Variants in TP73 observed in about 807,000 individuals in gnomAD.
TP73 encodes p53-like transcription factor.
A neutral mutation model predicts 62.5 loss-of-function variants in TP73; 25 were observed. That is an observed-to-expected ratio of 0.40 (90% CI 0.29 to 0.56). The LOEUF (loss-of-function observed/expected upper bound fraction) is 0.56. Ranked by LOEUF, TP73 falls within the 20% of genes least tolerant of loss-of-function variation. The pLI, the probability that TP73 is intolerant of heterozygous loss-of-function variation, is 0.46. For synonymous variants in TP73, 423 were observed against 377.5 expected (o/e 1.12, Z -1.40); for missense variants, 754 against 913.3 (o/e 0.83, Z 2.25).
Position 3,707,593 on chromosome 1 carries a change from C to A in TP73, c.231C>A (p.Ser77Arg), listed in dbSNP as rs1353759920. The A allele has an allele frequency of 9.3e-6, 15 of 1,612,316 alleles. No individual in the cohort carries two copies. Among genetic ancestry groups the A allele is most frequent in the Non-Finnish European group, 1.2e-5 (14 of 1,179,708 alleles). Residue 77 changes from serine to arginine, a missense_variant, in exon 4 of 14, where the codon AGC (serine) becomes AGA (arginine). Physicochemically the swap from Ser to Arg is moderately radical, Grantham distance 110. Coordinates refer to ENST00000378295, the MANE Select transcript of TP73 (RefSeq NM_005427.4). ...LLSSTMDQMS[S>R]RAASASPYTP... is the part of the protein sequence containing the mutation. ...GCAGCACCATGGACCAGATGAGCAG[C>A]CGCGCGGCCTCGGCCAGCCCCTACA...
chr1:3,687,989 C>T (rs2124205548), intron 3 of TP73, among the ~76,000 whole-genome samples: 1 of 152,262 alleles, frequency 6.6e-6, no homozygotes, highest in East Asian at 1.9e-4. Flanking sequence ...GGTATTCTCC[C>T]CAGGCCCAGG....
chr1:3,704,305 C>T (rs943664487), intron 3 of TP73, among the ~76,000 whole-genome samples: 1 of 152,306 alleles, frequency 6.6e-6, no homozygotes, highest in Non-Finnish European at 1.5e-5. Flanking sequence ...AAATGGTGAG[C>T]GAGGTGTTTT....
At chr1:3,705,233 G>A (rs927712820) in intron 3 of TP73, among the ~76,000 whole-genome samples, 5 of 152,232 alleles carry the variant, frequency 3.3e-5, no homozygotes, top group African/African-American at 9.6e-5. Context: ...ACGTGGCAGC[G>A]TGTGGGAGCT....
At chr1:3,725,073 G>A (rs2124494463) in intron 6 of TP73, among the ~76,000 whole-genome samples, 1 of 152,278 alleles carries the variant, frequency 6.6e-6, no homozygotes, top group South Asian at 2.1e-4. Flanking sequence ...AAAATCCCTG[G>A]GAAACAGGAG....
intron 1 of TP73, among the ~76,000 whole-genome samples, chr1:3,671,690 T>A (rs1443587436): frequency 6.6e-6 from 1 of 152,234 alleles, no homozygotes; most frequent in Non-Finnish European, 1.5e-5. Flanking sequence ...ACCTGGGGAC[T>A]TCCCGCTGGG....
At position 3,663,445 on chromosome 1, in the gene TP73, G is replaced by A. The variant is rs1233953954; in HGVS notation, c.-34+10804G>A. Among the ~76,000 whole-genome samples the A allele has an allele frequency of 6.6e-6, 1 of 152,208 alleles. No individual in the cohort carries two copies. The highest frequency in any genetic ancestry group is 2.4e-5 in the African/African-American group (1 of 41,448). On this transcript the variant is annotated intron_variant, in intron 1 of 13. Coordinates refer to ENST00000378295, the MANE Select transcript of TP73 (RefSeq NM_005427.4). This position sits in a 1 kb window ranked among gnomAD's most constrained non-coding sequence, Gnocchi z 4.7. ...GAAAGGATACAGGCGGCTGGGCGTG[G>A]TGGCTCACGCCTGTAATCCCAGCAC... is the stretch of plus-strand genomic sequence containing the variant.
intron 3 of TP73, among the ~76,000 whole-genome samples, chr1:3,695,664 G>A (rs945391055): frequency 6.6e-6 from 1 of 152,258 alleles, no homozygotes; most frequent in African/African-American, 2.4e-5. Flanking sequence ...GGGCCCTGGG[G>A]CGGGGGGAAG....
chr1:3,669,032 C>T (rs1262883325), intron 1 of TP73, among the ~76,000 whole-genome samples: 1 of 152,254 alleles, frequency 6.6e-6, no homozygotes, highest in Non-Finnish European at 1.5e-5. Context: ...ACGCTGCCGC[C>T]TAGTTTCGCA....
intron 12 of TP73, 79 bp from the exon 13 acceptor site, chr1:3,731,384 G>A: frequency 7.0e-7 from 1 of 1,430,570 alleles, no homozygotes; most frequent in Non-Finnish European, 9.7e-7. Flanking sequence ...CCCCAGCCAG[G>A]CCACTCTCAG....
intron 4 of TP73, chr1:3,708,005 C>A: frequency 1.4e-6 from 1 of 728,726 alleles, no homozygotes; most frequent in Non-Finnish European, 2.2e-6. Flanking sequence ...GTGGCCAGAG[C>A]CAGTCAGCCT....
At chr1:3,707,870 A>G (rs1639805297) in intron 4 of TP73, 79 bp downstream of exon 4, 3 of 1,528,518 alleles carry the variant, frequency 2.0e-6, no homozygotes, top group South Asian at 2.4e-5. Context: ...CCCGCACCTC[A>G]AGAGGTCTGA....
intron 3 of TP73, among the ~76,000 whole-genome samples, chr1:3,688,655 G>C (rs934627631): frequency 2.6e-5 from 4 of 152,240 alleles, no homozygotes; most frequent in African/African-American, 7.2e-5. Context: ...CCTCTGCAAG[G>C]CTGGGCCTTG....
At chr1:3,707,116 C>A (rs1479638093) in intron 3 of TP73, among the ~76,000 whole-genome samples, 1 of 152,214 alleles carries the variant, frequency 6.6e-6, no homozygotes, top group Non-Finnish European at 1.5e-5. Flanking sequence ...TCAGGGCCCA[C>A]TTGTGCCCAG....
In TP73 at chr1:3,731,038, C is replaced by A. The variant is rs761165205; in HGVS notation, c.1457C>A (p.Pro486His). 6.2e-7 allele frequency: 1 copy of A among 1,612,178 alleles called. No individual in the cohort carries two copies. Among genetic ancestry groups the A allele is most frequent in the Non-Finnish European group, 8.5e-7 (1 of 1,179,714 alleles). ...GGGTCCCACTGCACTCCGCCACCCCCCTACCACGCCGACCCCAGCCTCGTC... is the reference window on the plus strand; with the variant it reads ...GGGTCCCACTGCACTCCGCCACCCCACTACCACGCCGACCCCAGCCTCGTC... ...VSGSHCTPPP[P>H]YHADPSLVSF... is the part of the protein sequence containing the mutation. The change falls in exon 12 of 14, where the codon CCC (proline) becomes CAC (histidine). Residue 486 changes from proline (P) to histidine (H), a missense_variant. By Grantham distance (77) the Pro-to-His change is moderately conservative (BLOSUM62 -2). Coordinates refer to ENST00000378295, the MANE Select transcript of TP73 (RefSeq NM_005427.4).
At chr1:3,706,249 G>A (rs1398341882) in intron 3 of TP73, among the ~76,000 whole-genome samples, 3 of 152,172 alleles carry the variant, frequency 2.0e-5, no homozygotes, top group African/African-American at 7.2e-5. Flanking sequence ...TAGATCACTG[G>A]GGTCAATCGT....
chr1:3,712,930 C>T (rs1307731106), intron 4 of TP73, among the ~76,000 whole-genome samples: 1 of 89,838 alleles, frequency 1.1e-5, no homozygotes, highest in Non-Finnish European at 3.1e-5. Context: ...CCACGAGCAG[C>T]CCCTGCCCCC....
chr1:3,733,327 G>C lies in TP73; in HGVS notation c.*248G>C. On this transcript the variant is annotated 3_prime_UTR_variant, in exon 14 of 14. Coordinates refer to ENST00000378295, the MANE Select transcript of TP73 (RefSeq NM_005427.4). ...TGCCCTAGTGCTGGGCTTGTGGGGC[G>C]GGGGCTGGCCCACTCTCAGCCCTGC... The C allele has an allele frequency of 1.0e-5, 6 of 573,348 alleles. No individual in the cohort carries two copies. The highest frequency in any genetic ancestry group is 3.8e-4 in the Middle Eastern group (1 of 2,650). 35.5% of individuals were successfully genotyped at this position (573,348 alleles called of 1,614,324 possible). A position where few individuals can be genotyped will look rare whatever the true frequency, so the allele number is the denominator to read the frequency against.
intron 1 of TP73, among the ~76,000 whole-genome samples, chr1:3,659,719 C>T (rs1045130053): frequency 5.3e-5 from 8 of 152,134 alleles, no homozygotes; most frequent in African/African-American, 1.4e-4. Flanking sequence ...TCCACTCCGT[C>T]GCTCAAGGCT....
In TP73 at chr1:3,732,912, G is replaced by A. The variant is rs755620812; in HGVS notation, c.1744G>A (p.Val582Ile). ...GGSGELQRQR[V>I]MEAVHFRVRH... ...CTCAGGGGAACTGCAGCGCCAGCGG[G>A]TCATGGAGGCCGTGCACTTCCGCGT... is the stretch of plus-strand genomic sequence containing the variant. The change falls in exon 14 of 14, where the codon GTC (valine) becomes ATC (isoleucine). Residue 582 changes from valine (V) to isoleucine (I), a missense_variant. Coordinates refer to ENST00000378295, the MANE Select transcript of TP73 (RefSeq NM_005427.4). 12 of 1,610,964 alleles carry A rather than the reference G, an allele frequency of 7.4e-6. No homozygotes were observed. The highest frequency in any genetic ancestry group is 6.7e-5 in the East Asian group (3 of 44,868).
Sources: allele counts gnomAD v4.1 joint callset (sites outside exome capture counted in the v4.1 genomes callset), GRCh38; gene constraint gnomAD v4.1.1; non-coding constraint Gnocchi (gnomAD v3.1); transcripts MANE v1.5; gene names NCBI Gene and HGNC (gene_info 2026-07-23, HGNC 2026-07-21).